KIAA1958: variants seen among roughly 807,000 people sequenced by gnomAD.
The protein encoded by KIAA1958 is KIAA1958.
In KIAA1958, 14 loss-of-function variants were observed where a neutral mutation model predicts 47.2. The ratio of observed to expected loss-of-function variants is 0.30; its 90% confidence interval spans 0.20 to 0.46. The LOEUF is 0.46. Among genes scored for constraint, KIAA1958 ranks in the 20% least tolerant of loss-of-function variants. The pLI, the probability that KIAA1958 is intolerant of heterozygous loss-of-function variation, is 1.00. For synonymous variants in KIAA1958, 354 were observed against 353.3 expected, an observed-to-expected ratio of 1.00 and a Z score of -0.02; for missense variants, 803 against 909.2, an observed-to-expected ratio of 0.88 and a Z score of 1.50.
chr9:112,603,426 C>A (rs1836169827), intron 2 of KIAA1958, among the ~76,000 whole-genome samples: 1 of 152,192 alleles, frequency 6.6e-6, no homozygotes, highest in African/African-American at 2.4e-5. Context: ...ATGTCTTTCC[C>A]TTTGCTCGTG....
chr9:112,611,520 C>CT (rs1202350587), intron 2 of KIAA1958, among the ~76,000 whole-genome samples: 1 of 151,060 alleles, frequency 6.6e-6, no homozygotes, highest in African/African-American at 2.4e-5. Flanking sequence ...TAACAAAACT[C>CT]TTTAAGATTT....
chr9:112,531,018 T>C (rs1834742651), intron 1 of KIAA1958, among the ~76,000 whole-genome samples: 1 of 152,234 alleles, frequency 6.6e-6, no homozygotes, highest in South Asian at 2.1e-4. Context: ...ACATATAGCA[T>C]GTGATTGCGC....
chr9:112,646,485 T>C (rs945682506), intron 3 of KIAA1958, among the ~76,000 whole-genome samples: 1 of 152,220 alleles, frequency 6.6e-6, no homozygotes, highest in South Asian at 2.1e-4. Flanking sequence ...ATGAAAGTGG[T>C]ATTTTAGGGA....
At chr9:112,515,476 G>A (rs1275556908) in intron 1 of KIAA1958, among the ~76,000 whole-genome samples, 1 of 138,788 alleles carries the variant, frequency 7.2e-6, no homozygotes, top group East Asian at 2.2e-4. Context: ...TGAGAAATCG[G>A]ATGGTTGCCG....
intron 1 of KIAA1958, among the ~76,000 whole-genome samples, chr9:112,519,609 A>G (rs1233667601): frequency 1.3e-5 from 2 of 152,196 alleles, no homozygotes; most frequent in African/African-American, 4.8e-5. Context: ...TTGGTACATA[A>G]GTGCCCAGTG....
intron 1 of KIAA1958, among the ~76,000 whole-genome samples, chr9:112,542,757 A>G (rs1006084356): frequency 2.6e-5 from 4 of 152,320 alleles, no homozygotes; most frequent in Admixed American, 6.5e-5. Context: ...AGACAAAAAG[A>G]GGGGGATATT....
At chr9:112,585,382 A>C (rs1318071332) in intron 2 of KIAA1958, among the ~76,000 whole-genome samples, 1 of 152,246 alleles carries the variant, frequency 6.6e-6, no homozygotes, top group Non-Finnish European at 1.5e-5. Context: ...AGAAGGAATA[A>C]CGTGAGCAAA....
chr9:112,575,129 TCTC>T lies in KIAA1958; in HGVS notation c.1055_1057del (p.Ser352del). The stretch of plus-strand genomic sequence containing the variant: ...TTCCTGTCCCATCTGCCCAGCCAGG[TCTC>T]CTCCTGTGAGGTAGCCCTTTCTCCC... On this transcript the variant is annotated inframe_deletion, in exon 2 of 4. Transcript: ENST00000337530. 1.2e-6 allele frequency: 2 copies of T among 1,605,118 alleles called. No individual in the cohort carries two copies. Among genetic ancestry groups the T allele is most frequent in the East Asian group, 2.2e-5 (1 of 44,872 alleles).
intron 1 of KIAA1958, among the ~76,000 whole-genome samples, chr9:112,537,757 G>A (rs1192485709): frequency 6.6e-6 from 1 of 152,138 alleles, no homozygotes; most frequent in African/African-American, 2.4e-5. Context: ...GTTATCTATC[G>A]CTGTATCCAG....
At chr9:112,513,389 A>G (rs1346176683) in intron 1 of KIAA1958, among the ~76,000 whole-genome samples, 2 of 149,442 alleles carry the variant, frequency 1.3e-5, no homozygotes, top group Non-Finnish European at 3.0e-5. Context: ...ACAGCCATGC[A>G]GAGGCTCAGG....
At position 112,669,345 on chromosome 9, in the gene KIAA1958, G is replaced by A. The variant is rs1362929086; in HGVS notation, c.*9276G>A. The stretch of plus-strand genomic sequence containing the variant: ...GTTGTTTGGGTTCACTTATGTATAT[G>A]CAGCTTGACTGTTCAACCCAGATTT... On this transcript the variant is annotated 3_prime_UTR_variant, in exon 4 of 4. Transcript: ENST00000337530. 1 of 152,200 alleles carries A rather than the reference G, an allele frequency of 6.6e-6. No individual in the cohort carries two copies. The highest frequency in any genetic ancestry group is 1.5e-5 in the Non-Finnish European group (1 of 68,040). The allele number at this position is 152,200 out of a possible 1,614,324, so 9.4% of individuals were successfully genotyped here. A position where few individuals can be genotyped will look rare whatever the true frequency, so the allele number is the denominator to read the frequency against.
chr9:112,560,131 T>G (rs1835301406), intron 1 of KIAA1958, among the ~76,000 whole-genome samples: 2 of 151,818 alleles, frequency 1.3e-5, no homozygotes, highest in Admixed American at 6.6e-5. Flanking sequence ...ACTCTAGGCC[T>G]CAAGCAATCC....
intron 2 of KIAA1958, among the ~76,000 whole-genome samples, chr9:112,617,615 C>T (rs1484234492): frequency 6.6e-6 from 1 of 152,154 alleles, no homozygotes; most frequent in Non-Finnish European, 1.5e-5. Context: ...CCTTCATGCA[C>T]TAAACTATGT....
intron 2 of KIAA1958, among the ~76,000 whole-genome samples, chr9:112,629,626 A>T (rs1836675652): frequency 6.6e-6 from 1 of 152,138 alleles, no homozygotes; most frequent in Admixed American, 6.5e-5. Flanking sequence ...AGATGTTCTC[A>T]TCTTTGTCGA....
At chr9:112,615,663 A>G (rs1263943601) in intron 2 of KIAA1958, among the ~76,000 whole-genome samples, 1 of 152,176 alleles carries the variant, frequency 6.6e-6, no homozygotes, top group Admixed American at 6.5e-5. Context: ...AGAACACCCC[A>G]TTCAGGCCCC....
At position 112,664,619 on chromosome 9, in the gene KIAA1958, G is replaced by T. The variant is rs1564207737; in HGVS notation, c.*4550G>T. 6.6e-6 allele frequency: 1 copy of T among 152,094 alleles called. No homozygotes were observed. Among genetic ancestry groups the T allele is most frequent in the Non-Finnish European group, 1.5e-5 (1 of 68,014 alleles). 9.4% of individuals were successfully genotyped at this position (152,094 alleles called of 1,614,324 possible). On this transcript the variant is annotated 3_prime_UTR_variant, in exon 4 of 4. Coordinates refer to ENST00000337530, the MANE Select transcript of KIAA1958 (RefSeq NM_133465.4). ...TATATTTTTGAATGCTTTTGTTTTT[G>T]GAGTGAATTTTTAATACTCTGTGTT... is the stretch of plus-strand genomic sequence containing the variant.
intron 2 of KIAA1958, among the ~76,000 whole-genome samples, chr9:112,615,758 G>A (rs1041702555): frequency 9.9e-5 from 15 of 152,174 alleles, no homozygotes; most frequent in African/African-American, 3.1e-4. Flanking sequence ...TTTAAAGACA[G>A]GAAATGCTAA....
chr9:112,653,321 G>A (rs1037466828), intron 3 of KIAA1958, among the ~76,000 whole-genome samples: 2 of 152,150 alleles, frequency 1.3e-5, no homozygotes, highest in African/African-American at 4.8e-5. Flanking sequence ...GAACCAAAAG[G>A]TCAGGTTACA....
intron 1 of KIAA1958, among the ~76,000 whole-genome samples, chr9:112,534,996 G>GTATA (rs1163896513): frequency 6.6e-6 from 1 of 152,106 alleles, no homozygotes; most frequent in Non-Finnish European, 1.5e-5. Flanking sequence ...AATAAAAATT[G>GTATA]TATATATTTA....
Sources: allele counts gnomAD v4.1 joint callset (sites outside exome capture counted in the v4.1 genomes callset), GRCh38; gene constraint gnomAD v4.1.1; transcripts MANE v1.5; gene names NCBI Gene and HGNC (gene_info 2026-07-23, HGNC 2026-07-21).